The following FBXL13 variants were observed in gnomAD, a reference collection of about 807,000 sequenced individuals.
The protein encoded by FBXL13 is F-box and leucine-rich repeat protein 13.
FBXL13 carries 67 observed loss-of-function variants against 83.6 expected under a neutral mutation model. The observed-to-expected ratio is 0.80, with a 90% CI of 0.66 to 0.98. The LOEUF (loss-of-function observed/expected upper bound fraction) is 0.98. Among genes scored for constraint, FBXL13 ranks in the 50% least tolerant of loss-of-function variants. FBXL13 has a pLI of 0.00. For synonymous variants in FBXL13, 272 were observed against 299.5 expected, an observed-to-expected ratio of 0.91 and a Z score of 0.95; for missense variants, 822 against 866.5, an observed-to-expected ratio of 0.95 and a Z score of 0.64.
chr7:103,036,663 C>T (rs1302102423), intron 2 of FBXL13, among the ~76,000 whole-genome samples: 1 of 152,056 alleles, frequency 6.6e-6, no homozygotes, highest in Non-Finnish European at 1.5e-5. Context: ...AGGTGTGCAC[C>T]ACCACACGTA....
intron 18 of FBXL13, among the ~76,000 whole-genome samples, chr7:102,828,257 A>C (rs528796904): frequency 2.6e-5 from 4 of 152,082 alleles, no homozygotes; most frequent in East Asian, 1.9e-4. Flanking sequence ...CTTTTATTTC[A>C]TTGAGCAGTG....
rs183272111 is a variant in FBXL13, at chr7:102,937,849, A to C, written c.725-5916T>G. Among the ~76,000 whole-genome samples, 482 of 152,340 alleles carry C rather than the reference A, an allele frequency of 3.2e-3. 1 individual carries two copies. Among genetic ancestry groups the C allele is most frequent in the Non-Finnish European group, 5.7e-3 (385 of 68,034 alleles). ...GTGTGACAACCTGAGGATCGGTACA[A>C]GTATACCACATATACATGGTCACAC... On this transcript the variant is annotated intron_variant, in intron 8 of 19. Transcript: ENST00000313221.
chr7:102,822,110 G>A lies in FBXL13; in HGVS notation c.1948C>T (p.Leu650Phe), dbSNP rs558249316. ...TTGCAGCCTATCTGAAGGTCCTCAAGGATTTGGTCAGTAAGCAAGACACAA... is the reference window on the plus strand; with the variant it reads ...TTGCAGCCTATCTGAAGGTCCTCAAAGATTTGGTCAGTAAGCAAGACACAA... The change falls in exon 19 of 20, where the codon CTT (leucine) becomes TTT (phenylalanine). Residue 650 changes from leucine (L) to phenylalanine (F), a missense_variant. Leu to Phe is a conservative substitution (Grantham distance 22). Coordinates refer to ENST00000313221, the Ensembl canonical transcript of FBXL13. 2.1e-4 allele frequency: 332 copies of A among 1,614,206 alleles called. 3 individuals are homozygous for A. The South Asian group carries it at 3.6e-3, about 17-fold the overall frequency.
intron 2 of FBXL13, among the ~76,000 whole-genome samples, chr7:103,037,504 G>T (rs778268631): frequency 1.3e-5 from 2 of 151,926 alleles, no homozygotes; most frequent in Non-Finnish European, 2.9e-5. Context: ...AAAATATTTT[G>T]TATTTTATTT....
intron 2 of FBXL13, among the ~76,000 whole-genome samples, chr7:103,040,534 T>A (rs965692037): frequency 3.9e-5 from 6 of 152,086 alleles, no homozygotes; most frequent in East Asian, 3.9e-4. Flanking sequence ...CTTCTGAGCA[T>A]CACGTCGCAC....
chr7:102,822,453 CAGAG>C (rs142147880), intron 18 of FBXL13: 5 of 606,206 alleles, frequency 8.2e-6, no homozygotes, highest in South Asian at 1.5e-5. Flanking sequence ...TCTCACATGG[CAGAG>C]AGAGAGAGAG....
At chr7:102,963,876 G>A (rs1483662294) in intron 7 of FBXL13, among the ~76,000 whole-genome samples, 1 of 152,072 alleles carries the variant, frequency 6.6e-6, no homozygotes, top group African/African-American at 2.4e-5. Flanking sequence ...AGAATCTATA[G>A]GAAACTTAAA....
At position 103,060,020 on chromosome 7, in the gene FBXL13, TTATATATATATA is replaced by T. The variant is rs772728840; in HGVS notation, c.-104-4285_-104-4274del. Among the ~76,000 whole-genome samples, 134 of 50,078 alleles carry T rather than the reference TTATATATATATA, an allele frequency of 2.7e-3. 3 individuals carry two copies. Among genetic ancestry groups the T allele is most frequent in the Middle Eastern group, 0.033 (1 of 30 alleles). 32.9% of individuals were successfully genotyped at this position (50,078 alleles called of 152,430 possible). A position where few individuals can be genotyped will look rare whatever the true frequency, so the allele number is the denominator to read the frequency against. ...CAACAGATAATGATAGCAAGATATT[TTATATATATATA>T]TATATATATATATATATATATATAT... On this transcript the variant is annotated intron_variant, in intron 1 of 19. Coordinates refer to ENST00000313221, the Ensembl canonical transcript of FBXL13.
chr7:102,889,584 C>G (rs1383117323), intron 11 of FBXL13, among the ~76,000 whole-genome samples: 1 of 151,974 alleles, frequency 6.6e-6, no homozygotes, highest in African/African-American at 2.4e-5. Context: ...CTGACAGGCC[C>G]CCGTGTGTGA....
chr7:103,056,692 A>G (rs1797372508), intron 1 of FBXL13, among the ~76,000 whole-genome samples: 2 of 152,308 alleles, frequency 1.3e-5, no homozygotes, highest in Non-Finnish European at 1.5e-5. Flanking sequence ...TCCTGACCTC[A>G]GGTGATCCGC....
intron 11 of FBXL13, among the ~76,000 whole-genome samples, chr7:102,900,364 A>G (rs1277737157): frequency 6.6e-6 from 1 of 152,240 alleles, no homozygotes; most frequent in Non-Finnish European, 1.5e-5. Context: ...AAAAGCATTT[A>G]GGTGTAAGCT....
At chr7:102,978,436 C>T (rs368868884) in intron 6 of FBXL13, 2 of 152,992 alleles carry the variant, frequency 1.3e-5, no homozygotes, top group Non-Finnish European at 2.9e-5. Context: ...AGCAAGATAG[C>T]AGAAGCAGGA....
Position 102,912,954 on chromosome 7 carries a change from A to G in FBXL13, c.1008+132T>C, listed in dbSNP as rs1815043528. 12 of 1,197,498 alleles carry G rather than the reference A, an allele frequency of 1.0e-5. No homozygotes were observed. In the South Asian group the frequency reaches 1.7e-4, roughly 17 times the overall value. 74.2% of individuals were successfully genotyped at this position (1,197,498 alleles called of 1,614,324 possible). Reference sequence around the variant, plus strand: ...GGGGAAAATTTCAGCAGCTGGGGCCATGTAATTTAAAACCTCTGAAAAGTG... The same window carrying G: ...GGGGAAAATTTCAGCAGCTGGGGCCGTGTAATTTAAAACCTCTGAAAAGTG... On this transcript the variant is annotated intron_variant, in intron 11 of 19. Transcript: ENST00000313221.
chr7:102,944,600 T>C, intron 8 of FBXL13: 3 of 1,592,794 alleles, frequency 1.9e-6, no homozygotes, highest in Non-Finnish European at 2.6e-6. Flanking sequence ...ATTACTATAG[T>C]AGGATAAGGT....
At chr7:102,883,437 T>A in exon 14 of FBXL13, 1 of 1,613,148 alleles carries the variant, frequency 6.2e-7, no homozygotes, top group Non-Finnish European at 8.5e-7. Context: ...GTCTATAAAT[T>A]TGAAGGATGC....
downstream of FBXL13, among the ~76,000 whole-genome samples, chr7:102,812,475 T>G (rs1797484838): frequency 6.6e-6 from 1 of 152,206 alleles, no homozygotes; most frequent in Admixed American, 6.5e-5. Context: ...CCTGACTAAG[T>G]CAAATGTTGA....
At chr7:102,963,235 C>T (rs1251054811) in intron 8 of FBXL13, among the ~76,000 whole-genome samples, 1 of 151,314 alleles carries the variant, frequency 6.6e-6, no homozygotes, top group Non-Finnish European at 1.5e-5. Context: ...GCACGAAAAT[C>T]ATTTGAACCC....
intron 1 of FBXL13, among the ~76,000 whole-genome samples, chr7:103,065,781 G>A (rs1798336614): frequency 6.6e-6 from 1 of 152,212 alleles, no homozygotes; most frequent in African/African-American, 2.4e-5. Flanking sequence ...GTTGCCCTGA[G>A]ACAGAGATAG....
intron 2 of FBXL13, among the ~76,000 whole-genome samples, chr7:103,037,110 C>T (rs1003690759): frequency 2.6e-5 from 4 of 152,160 alleles, no homozygotes; most frequent in African/African-American, 4.8e-5. Context: ...TAAACTTATC[C>T]TAAACAACAT....
Sources: allele counts gnomAD v4.1 joint callset (sites outside exome capture counted in the v4.1 genomes callset), GRCh38; gene constraint gnomAD v4.1.1; transcripts MANE v1.5; gene names NCBI Gene and HGNC (gene_info 2026-07-23, HGNC 2026-07-21).